The following UHMK1 variants were observed in gnomAD, a reference collection of about 807,000 sequenced individuals.
UHMK1 encodes the protein U2AF homology motif kinase 1, also known as serine/threonine-protein kinase Kist.
UHMK1 carries 18 observed loss-of-function variants against 44.0 expected under a neutral mutation model. That is an observed-to-expected ratio of 0.41 (90% CI 0.28 to 0.61). The LOEUF is 0.61. Among genes scored for constraint, UHMK1 ranks in the 20% least tolerant of loss-of-function variants. The pLI, the probability that UHMK1 is intolerant of heterozygous loss-of-function variation, is 0.31. For synonymous variants in UHMK1, 231 were observed against 198.5 expected (o/e 1.16, Z -1.38); for missense variants, 463 against 522.5 (o/e 0.89, Z 1.11).
chr1:162,507,421 A>G (rs1651507940), intron 4 of UHMK1, among the ~76,000 whole-genome samples: 1 of 150,554 alleles, frequency 6.6e-6, no homozygotes, highest in Non-Finnish European at 1.5e-5. Flanking sequence ...CCCAGCTGCC[A>G]TTTTATCTTG....
rs182368158 is a variant in UHMK1 at position 162,528,876 on chromosome 1, A to C, written c.*6326A>C. 42 of 152,202 alleles carry C rather than the reference A, an allele frequency of 2.8e-4. 1 individual carries two copies. The highest frequency in any genetic ancestry group is 2.7e-3 in the Admixed American group (41 of 15,272). The allele number at this position is 152,202 out of a possible 1,614,324, so 9.4% of individuals were successfully genotyped here. ...TTCCCAAAAGGGTTCCATCTTTGCT[A>C]TCTGTTGATCAGCCTTAGAAAATCT... On this transcript the variant is annotated 3_prime_UTR_variant, in exon 8 of 8. Transcript: ENST00000489294.
At chr1:162,517,701 A>G (rs1571017404) in intron 6 of UHMK1, among the ~76,000 whole-genome samples, 1 of 152,046 alleles carries the variant, frequency 6.6e-6, no homozygotes, top group Non-Finnish European at 1.5e-5. Flanking sequence ...CCTGGCCAAT[A>G]TGGTGAAACC....
At position 162,526,207 on chromosome 1, in the gene UHMK1, G is replaced by C. The variant is rs1042703460; in HGVS notation, c.*3657G>C. On this transcript the variant is annotated 3_prime_UTR_variant, in exon 8 of 8. Transcript: ENST00000489294. ...ACATTTGGGTATCTTTTTGTTTTAG[G>C]TCTTATTTTCTGACTGTTAGGCCTA... The C allele has an allele frequency of 6.6e-6, 1 of 150,584 alleles. No individual in the cohort carries two copies. 9.3% of individuals were successfully genotyped at this position (150,584 alleles called of 1,614,324 possible). A position where few individuals can be genotyped will look rare whatever the true frequency, so the allele number is the denominator to read the frequency against.
At chr1:162,513,456 T>A (rs1651737379) in intron 6 of UHMK1, among the ~76,000 whole-genome samples, 2 of 152,210 alleles carry the variant, frequency 1.3e-5, no homozygotes, top group Admixed American at 1.3e-4. Flanking sequence ...TGTGCTGTTG[T>A]GGGATTACTT....
intron 6 of UHMK1, among the ~76,000 whole-genome samples, chr1:162,517,248 G>A (rs777679786): frequency 3.9e-5 from 6 of 152,088 alleles, no homozygotes; most frequent in Admixed American, 2.0e-4. Flanking sequence ...GCAGTGAGCC[G>A]AGATCGTGCC....
At chr1:162,498,355 C>A in intron 1 of UHMK1, 87 bp downstream of exon 1, 1 of 1,469,798 alleles carries the variant, frequency 6.8e-7, no homozygotes, top group Non-Finnish European at 9.1e-7. Context: ...CCATCTTCCT[C>A]CCCTTCTGCG....
intron 4 of UHMK1, among the ~76,000 whole-genome samples, chr1:162,508,897 A>G (rs1040741347): frequency 6.8e-4 from 103 of 151,914 alleles, no homozygotes; most frequent in Non-Finnish European, 1.0e-4. Flanking sequence ...GCTTTAAGCA[A>G]TCCTCCCACC....
At chr1:162,501,703 A>G (rs1239650338) in intron 3 of UHMK1, among the ~76,000 whole-genome samples, 1 of 152,200 alleles carries the variant, frequency 6.6e-6, no homozygotes, top group African/African-American at 2.4e-5. Context: ...GTTTACTAAC[A>G]GTAATATTAA....
rs1298453424 is a variant in UHMK1 at position 162,526,928 on chromosome 1, T to C, written c.*4378T>C. The C allele has an allele frequency of 6.6e-6, 1 of 152,132 alleles. No homozygotes were observed. The highest frequency in any genetic ancestry group is 1.5e-5 in the Non-Finnish European group (1 of 67,962). 9.4% of individuals were successfully genotyped at this position (152,132 alleles called of 1,614,324 possible). A position where few individuals can be genotyped will look rare whatever the true frequency, so the allele number is the denominator to read the frequency against. On this transcript the variant is annotated 3_prime_UTR_variant, in exon 8 of 8. Coordinates refer to ENST00000489294, the MANE Select transcript of UHMK1 (RefSeq NM_175866.5). ...TGGTCACATATAGACAAGTACTTGG[T>C]CACAATTAGCTCAAAAGAATCCCCA...
Position 162,522,651 on chromosome 1 carries a change from T to C in UHMK1, c.*101T>C. The C allele has an allele frequency of 7.8e-7, 1 of 1,289,324 alleles. No homozygotes were observed. Among genetic ancestry groups the C allele is most frequent in the Non-Finnish European group, 1.1e-6 (1 of 937,630 alleles). The allele number at this position is 1,289,324 out of a possible 1,614,324, so 79.9% of individuals were successfully genotyped here. A position where few individuals can be genotyped will look rare whatever the true frequency, so the allele number is the denominator to read the frequency against. ...CCCCTTACCATTTTAAGAAGGTACT[T>C]TATACATTTATTTAATCCTACTAAT... is the stretch of plus-strand genomic sequence containing the variant. On this transcript the variant is annotated 3_prime_UTR_variant, in exon 8 of 8. Transcript: ENST00000489294.
chr1:162,515,909 C>T (rs2101681954), intron 6 of UHMK1, among the ~76,000 whole-genome samples: 1 of 152,166 alleles, frequency 6.6e-6, no homozygotes, highest in Middle Eastern at 3.4e-3. Context: ...TGGCGGGCGC[C>T]TGTAGTCCCA....
In UHMK1 at chr1:162,500,987, C is replaced by T. The variant is rs1396171128; in HGVS notation, c.636C>T (p.Gly212=). The change falls in exon 3 of 8, where the codon GGC becomes GGT. Residue 212 remains glycine, a synonymous_variant. Transcript: ENST00000489294. ...TGCAAAATTGCTTGGCCCAGGCTGG[C>T]CTGCAGAGTGATACAGAATGTACCT... ...AELQNCLAQA[G]LQSDTECTSA... 1 of 1,613,902 alleles carries T rather than the reference C, an allele frequency of 6.2e-7. No individual in the cohort carries two copies.
upstream of UHMK1, among the ~76,000 whole-genome samples, chr1:162,497,577 T>C (rs1014075873): frequency 2.0e-5 from 3 of 152,106 alleles, no homozygotes; most frequent in African/African-American, 7.2e-5. Context: ...ATTTTTCGGG[T>C]TCCTAGTGGT....
intron 1 of UHMK1, 110 bp from the exon 2 acceptor site, chr1:162,499,845 C>G: frequency 3.0e-6 from 3 of 989,232 alleles, no homozygotes; most frequent in South Asian, 1.7e-5. Context: ...GAAGCTTGCT[C>G]ATCAAAGTTA....
Position 162,522,616 on chromosome 1 carries a change from G to A in UHMK1, c.*66G>A. ...TTCTTGGGTTATTCCACATATGAAT[G>A]CAGGACTACCCCCTTACCATTTTAA... On this transcript the variant is annotated 3_prime_UTR_variant, in exon 8 of 8. Coordinates refer to ENST00000489294, the MANE Select transcript of UHMK1 (RefSeq NM_175866.5). 1.3e-6 allele frequency: 2 copies of A among 1,513,264 alleles called. No homozygotes were observed. The highest frequency in any genetic ancestry group is 9.0e-7 in the Non-Finnish European group (1 of 1,105,248). 93.7% of individuals were successfully genotyped at this position (1,513,264 alleles called of 1,614,324 possible).
intron 7 of UHMK1, among the ~76,000 whole-genome samples, 172 bp downstream of exon 7, chr1:162,518,362 A>G (rs979280514): frequency 3.3e-5 from 5 of 152,122 alleles, no homozygotes; most frequent in Non-Finnish European, 7.4e-5. Context: ...TAAAAGTTCT[A>G]TAATATGCTT....
At chr1:162,501,159 C>T in intron 3 of UHMK1, 55 bp downstream of exon 3, 1 of 1,483,902 alleles carries the variant, frequency 6.7e-7, no homozygotes, top group Non-Finnish European at 9.1e-7. Context: ...TAAGAGTATT[C>T]AATTTATGAT....
At chr1:162,517,045 T>C (rs1351685722) in intron 6 of UHMK1, among the ~76,000 whole-genome samples, 1 of 152,232 alleles carries the variant, frequency 6.6e-6, no homozygotes, top group Non-Finnish European at 1.5e-5. Context: ...ACGCCTGTAA[T>C]CCCAACACTT....
chr1:162,507,235 T>A (rs1571008674), intron 4 of UHMK1, among the ~76,000 whole-genome samples: 2 of 151,970 alleles, frequency 1.3e-5, no homozygotes, highest in African/African-American at 4.8e-5. Context: ...TTCTCCCACA[T>A]CAGCCTCCCA....
Sources: gnomAD v4.1 joint callset for allele counts (sites outside exome capture counted in the v4.1 genomes callset) on GRCh38, gnomAD v4.1.1 for gene constraint, MANE v1.5 for transcripts, NCBI Gene and HGNC (gene_info 2026-07-23, HGNC 2026-07-21) for gene names.